Variants in CDYL observed in about 807,000 individuals in gnomAD.
CDYL encodes the protein chromodomain Y-like protein.
CDYL carries 8 observed loss-of-function variants against 47.3 expected under a neutral mutation model. The ratio of observed to expected loss-of-function variants is 0.17; its 90% CI spans 0.10 to 0.31. The LOEUF (loss-of-function observed/expected upper bound fraction) is 0.31, where lower values mean the gene tolerates loss of function less well. CDYL is among the 10% of genes least tolerant of loss of function. The pLI, the probability that CDYL is intolerant of heterozygous loss-of-function variation, is 1.00. For synonymous variants in CDYL, 266 were observed against 265.0 expected (o/e 1.00, Z -0.04); for missense variants, 471 against 701.4 (o/e 0.67, Z 3.71).
chr6:4,744,414 G>A (rs913602638), intron 3 of CDYL, among the ~76,000 whole-genome samples: 1 of 152,058 alleles, frequency 6.6e-6, no homozygotes, highest in African/African-American at 2.4e-5. Context: ...AGGATTGCTT[G>A]AGCCCAGGAG....
intron 5 of CDYL, among the ~76,000 whole-genome samples, chr6:4,944,892 GCACTGAGGGGAACA>G (rs1561723620): frequency 6.6e-6 from 1 of 152,166 alleles, no homozygotes; most frequent in African/African-American, 2.4e-5. Flanking sequence ...CCAACATGAA[GCACTGAGGGGAACA>G]CAGCCTTCGT....
intron 2 of CDYL, among the ~76,000 whole-genome samples, chr6:4,895,073 A>G (rs1186847100): frequency 1.6e-5 from 1 of 64,048 alleles, no homozygotes; most frequent in Non-Finnish European, 5.4e-5. Context: ...GTATATATGT[A>G]TCTATATGCA....
intron 1 of CDYL, among the ~76,000 whole-genome samples, chr6:4,823,541 A>G (rs1759897269): frequency 6.6e-6 from 1 of 152,220 alleles, no homozygotes; most frequent in South Asian, 2.1e-4. Flanking sequence ...CGTTAATCAC[A>G]ATGTTGTATT....
chr6:4,775,479 G>C (rs1413897968), upstream of CDYL: 1 of 151,890 alleles, frequency 6.6e-6, no homozygotes, highest in Non-Finnish European at 1.5e-5. This position sits in a 1 kb window ranked among gnomAD's most constrained non-coding sequence, Gnocchi z 7.0. Context: ...AACCACCATT[G>C]ACAGCCTCGT....
rs573646584 is a variant in CDYL, at chr6:4,889,301, C to T, written c.25-2412C>T. On this transcript the variant is annotated intron_variant, in intron 1 of 6. Coordinates refer to ENST00000397588, the MANE Select transcript of CDYL (RefSeq NM_004824.4). The stretch of plus-strand genomic sequence containing the variant: ...GTGCAGTGGCTCGATCTTGGCTCAC[C>T]GCAACCTCCACCTCCTGGTTCAAGC... 4.6e-5 allele frequency among the ~76,000 whole-genome samples: 7 copies of T among 151,984 alleles called. No individual in the cohort carries two copies. The East Asian group carries it at 7.8e-4, about 17-fold the overall frequency.
In CDYL at chr6:4,747,282, G is replaced by A. The variant is rs1337289520; in HGVS notation, c.186+12438G>A. 1.6e-4 allele frequency among the ~76,000 whole-genome samples: 24 copies of A among 148,540 alleles called. No homozygotes were observed. In the Admixed American group the frequency reaches 1.6e-3, roughly 10 times the overall value. ...AGATTGTGCCACTGCACTCCAGCCT[G>A]GGCGACACAGCATGACTTCATCTCA... On this transcript the variant is annotated intron_variant, in intron 3 of 8. Transcript: ENST00000328908.
intron 3 of CDYL, among the ~76,000 whole-genome samples, chr6:4,745,014 A>G (rs553306415): frequency 6.6e-6 from 1 of 152,182 alleles, no homozygotes. Flanking sequence ...GTTGGAGTGC[A>G]GTGGCATGAT....
chr6:4,749,098 T>G (rs1757943710), intron 3 of CDYL, among the ~76,000 whole-genome samples: 1 of 152,204 alleles, frequency 6.6e-6, no homozygotes, highest in Non-Finnish European at 1.5e-5. Flanking sequence ...TTTTTTCTAC[T>G]CCATTTTCCC....
chr6:4,890,797 C>T (rs1350181814), intron 1 of CDYL, among the ~76,000 whole-genome samples: 2 of 152,228 alleles, frequency 1.3e-5, no homozygotes, highest in African/African-American at 4.8e-5. Context: ...GGCTGTAGGC[C>T]TCTGCCCACA....
chr6:4,891,949 C>T lies in CDYL; in HGVS notation c.261C>T (p.Thr87=), dbSNP rs1290676482. ...NNARKQISRS[T]NSNFSKTSPK... ...CTAGGAAACAAATCTCCAGATCCAC[C>T]AACAGCAACTTTTCTAAGACCTCTC... The change falls in exon 2 of 7, where the codon ACC becomes ACT. Residue 87 remains threonine, a synonymous_variant. Transcript: ENST00000397588. 5.0e-6 allele frequency: 8 copies of T among 1,614,028 alleles called. No homozygotes were observed. The highest frequency in any genetic ancestry group is 6.8e-6 in the Non-Finnish European group (8 of 1,180,038).
intron 1 of CDYL, among the ~76,000 whole-genome samples, chr6:4,881,475 G>C (rs1761761098): frequency 6.6e-6 from 1 of 152,090 alleles, no homozygotes; most frequent in Non-Finnish European, 1.5e-5. Context: ...AAATTCTGTG[G>C]GAGAGACCTG....
chr6:4,923,724 G>T (rs1056291125), intron 2 of CDYL, among the ~76,000 whole-genome samples: 2 of 151,868 alleles, frequency 1.3e-5, no homozygotes, highest in East Asian at 1.9e-4. Context: ...GTGAAACCCC[G>T]TCTCTACTAA....
intron 2 of CDYL, among the ~76,000 whole-genome samples, chr6:4,901,710 G>A (rs1757059407): frequency 6.6e-6 from 1 of 152,166 alleles, no homozygotes; most frequent in African/African-American, 2.4e-5. Context: ...ATTTTATTAA[G>A]TACACAGTAT....
intron 3 of CDYL, among the ~76,000 whole-genome samples, chr6:4,746,113 C>T (rs967219915): frequency 1.3e-5 from 2 of 151,952 alleles, no homozygotes; most frequent in Non-Finnish European, 2.9e-5. Context: ...CCCCTGTAAT[C>T]CCAGCACTTT....
chr6:4,949,645 G>A (rs1242763653), intron 5 of CDYL, among the ~76,000 whole-genome samples: 1 of 152,226 alleles, frequency 6.6e-6, no homozygotes, highest in Non-Finnish European at 1.5e-5. Flanking sequence ...GTGCTAGCTG[G>A]TCAGGTTCCC....
intron 3 of CDYL, among the ~76,000 whole-genome samples, chr6:4,769,249 T>C (rs1758300218): frequency 6.6e-6 from 1 of 152,194 alleles, no homozygotes; most frequent in South Asian, 2.1e-4. Flanking sequence ...CTAAATGTAA[T>C]GGGGAAAACT....
chr6:4,746,001 C>G (rs1469284526), intron 3 of CDYL, among the ~76,000 whole-genome samples: 2 of 152,160 alleles, frequency 1.3e-5, no homozygotes, highest in African/African-American at 4.8e-5. Flanking sequence ...GCTACACTCA[C>G]CAGCATGGAC....
intron 1 of CDYL, among the ~76,000 whole-genome samples, chr6:4,777,161 G>GGTGGGGT (rs1244034686): frequency 6.8e-6 from 1 of 146,622 alleles, no homozygotes; most frequent in African/African-American, 2.6e-5. Context: ...CGGTACGGGG[G>GGTGGGGT]GTGGGGTGTG....
chr6:4,822,154 T>A (rs898367659), intron 1 of CDYL, among the ~76,000 whole-genome samples: 4 of 151,838 alleles, frequency 2.6e-5, no homozygotes, highest in African/African-American at 4.8e-5. Flanking sequence ...TTCTTTATTT[T>A]TTTTTTCTTT....
Sources: allele counts gnomAD v4.1 joint callset (sites outside exome capture counted in the v4.1 genomes callset), GRCh38; gene constraint gnomAD v4.1.1; non-coding constraint Gnocchi (gnomAD v3.1); transcripts MANE v1.5; gene names NCBI Gene and HGNC (gene_info 2026-07-23, HGNC 2026-07-21).